Variants in HIBCH observed in about 807,000 individuals in gnomAD.
HIBCH encodes the protein 3-hydroxyisobutyryl-CoA hydrolase.
In HIBCH, 50 loss-of-function variants were observed where a neutral mutation model predicts 58.2. The observed-to-expected ratio is 0.86, with a 90% CI of 0.68 to 1.09. The LOEUF (loss-of-function observed/expected upper bound fraction) is 1.09, where lower values mean the gene tolerates loss of function less well. HIBCH is among the 50% of genes least tolerant of loss of function. The pLI is 0.00. For synonymous variants in HIBCH, 151 were observed against 146.9 expected, an observed-to-expected ratio of 1.03 and a Z score of -0.20; for missense variants, 450 against 449.7, an observed-to-expected ratio of 1.00 and a Z score of -0.01.
At chr2:190,201,033 G>C (rs908541886), downstream of HIBCH, 4 of 163,332 alleles carry the variant, frequency 2.4e-5, no homozygotes, top group African/African-American at 1.0e-4. Flanking sequence ...TGACTAGTAA[G>C]GCGGTCACCA....
Position 190,215,763 on chromosome 2 carries a change from A to G in HIBCH, c.892-2688T>C, listed in dbSNP as rs1368529102. On this transcript the variant is annotated intron_variant, in intron 11 of 13. Transcript: ENST00000359678. The surrounding 1 kb of genome is among the most constrained non-coding windows in gnomAD (Gnocchi z 4.4). ...ACGTAGAGGGCCAGAGAAAGAGTTA[A>G]GCTGCTGACCCTGAAGGCAAGGGAA... 1.3e-5 allele frequency: 2 copies of G among 152,428 alleles called. No individual in the cohort carries two copies. Among genetic ancestry groups the G allele is most frequent in the African/African-American group, 2.4e-5 (1 of 41,476 alleles). The allele number at this position is 152,428 out of a possible 1,614,324, so 9.4% of individuals were successfully genotyped here.
intron 6 of HIBCH, among the ~76,000 whole-genome samples, chr2:190,282,016 A>C (rs1687717287): frequency 1.3e-5 from 2 of 152,174 alleles, no homozygotes. Flanking sequence ...CCACTTAAAT[A>C]ATCTCTAAGA....
intron 1 of HIBCH, among the ~76,000 whole-genome samples, chr2:190,314,893 T>C (rs1688674393): frequency 6.6e-6 from 1 of 152,138 alleles, no homozygotes; most frequent in African/African-American, 2.4e-5. Flanking sequence ...TGATCTTTCT[T>C]TTCTATTGGT....
chr2:190,209,010 T>C lies in HIBCH; in HGVS notation c.1012-97A>G, dbSNP rs539966681. 9.6e-7 allele frequency: 1 copy of C among 1,043,212 alleles called. No homozygotes were observed. The highest frequency in any genetic ancestry group is 1.5e-6 in the Non-Finnish European group (1 of 685,502). The allele number at this position is 1,043,212 out of a possible 1,614,324, so 64.6% of individuals were successfully genotyped here. On this transcript the variant is annotated intron_variant, in intron 12 of 13. Transcript: ENST00000359678. The surrounding 1 kb of genome is among the most constrained non-coding windows in gnomAD (Gnocchi z 5.6). ...TATTCACTTCAGCCTTCCACTCCCA[T>C]GGCCACAACCTGAACCATGACATTC...
In HIBCH at chr2:190,254,135, A is replaced by G. The variant is rs1424876210; in HGVS notation, c.518-1828T>C. ...CTGATTACTCCCTGCTATGGACTGC[A>G]TTGTGTCCTTCCAAAAAGTCCTATG... On this transcript the variant is annotated intron_variant, in intron 7 of 13. Transcript: ENST00000359678. This position sits in a 1 kb window ranked among gnomAD's most constrained non-coding sequence, Gnocchi z 5.0. Among the ~76,000 whole-genome samples the G allele has an allele frequency of 1.3e-5, 2 of 152,140 alleles. No individual in the cohort carries two copies. Among genetic ancestry groups the G allele is most frequent in the Admixed American group, 1.3e-4 (2 of 15,264 alleles).
intron 8 of HIBCH, chr2:190,250,255 C>T (rs1388014158): frequency 2.7e-6 from 1 of 367,710 alleles, no homozygotes; most frequent in Non-Finnish European, 5.5e-6. Flanking sequence ...CCTGATAATA[C>T]TCACCTTAAG....
chr2:190,203,466 A>G (rs1260290027), downstream of HIBCH: 3 of 166,022 alleles, frequency 1.8e-5, no homozygotes, highest in African/African-American at 4.8e-5. Flanking sequence ...CTGCACAATA[A>G]AAGTCCAGTT....
intron 6 of HIBCH, among the ~76,000 whole-genome samples, chr2:190,282,901 T>C (rs1461653749): frequency 2.0e-5 from 3 of 147,738 alleles, no homozygotes; most frequent in African/African-American, 7.4e-5. Context: ...TCTAATACAG[T>C]TGGAAAGATG....
Position 190,252,156 on chromosome 2 carries a change from A to G in HIBCH, c.663+6T>C, listed in dbSNP as rs777041672. The stretch of plus-strand genomic sequence containing the variant: ...CAATACAAAATGCAAACATCTGAAA[A>G]AGTACCTTTTCAGAATCTACAAAGT... On this transcript the variant is annotated splice_donor_region_variant and intron_variant, in intron 8 of 13. Transcript: ENST00000359678. 5 of 1,613,462 alleles carry G rather than the reference A, an allele frequency of 3.1e-6. No individual in the cohort carries two copies. The highest frequency in any genetic ancestry group is 2.7e-5 in the African/African-American group (2 of 74,912).
chr2:190,292,218 G>A (rs1421105875), intron 4 of HIBCH, among the ~76,000 whole-genome samples: 5 of 152,298 alleles, frequency 3.3e-5, no homozygotes, highest in Middle Eastern at 6.8e-3. Flanking sequence ...CCAACCTCAG[G>A]TGATCTGCCG....
chr2:190,268,296 G>A (rs181998067), intron 6 of HIBCH, among the ~76,000 whole-genome samples: 2 of 152,178 alleles, frequency 1.3e-5, no homozygotes, highest in East Asian at 1.9e-4. Context: ...ATGGTGTCCC[G>A]AGCACTCTGA....
At chr2:190,234,711 A>G (rs148720694) in intron 11 of HIBCH, among the ~76,000 whole-genome samples, 404 of 152,084 alleles carry the variant, frequency 2.7e-3, no homozygotes, top group African/African-American at 9.1e-3. Context: ...ATTAGCAGGT[A>G]TGGTGGCGGG....
At chr2:190,222,303 G>A (rs1395098246) in intron 11 of HIBCH, among the ~76,000 whole-genome samples, 1 of 152,070 alleles carries the variant, frequency 6.6e-6, no homozygotes, top group Non-Finnish European at 1.5e-5. Context: ...CGGCCGGCTA[G>A]TCCTAGCACC....
In HIBCH at chr2:190,207,108, T is replaced by TA. The variant is rs1226159339; in HGVS notation, c.1045+1771_1045+1772insT. Among the ~76,000 whole-genome samples the TA allele has an allele frequency of 7.9e-5, 12 of 151,918 alleles. No individual in the cohort carries two copies. The highest frequency in any genetic ancestry group is 4.1e-4 in the South Asian group (2 of 4,822). On this transcript the variant is annotated intron_variant, in intron 13 of 13. Transcript: ENST00000359678. The surrounding 1 kb of genome is among the most constrained non-coding windows in gnomAD (Gnocchi z 4.5). ...CTGCTCTCCAGCCTGGGTGACAGAG[T>TA]GAGACTCCATCTCAAAAAACAAAAC... is the stretch of plus-strand genomic sequence containing the variant.
chr2:190,232,024 A>T lies in HIBCH; in HGVS notation c.891+12863T>A, dbSNP rs542488112. Reference sequence around the variant, plus strand: ...CAGCCTGACCAACATGGTGAAACCCAGTCTACTAAAAACTACAAAAATTAG... The same window carrying T: ...CAGCCTGACCAACATGGTGAAACCCTGTCTACTAAAAACTACAAAAATTAG... On this transcript the variant is annotated intron_variant, in intron 11 of 13. Coordinates refer to ENST00000359678, the MANE Select transcript of HIBCH (RefSeq NM_014362.4). Among the ~76,000 whole-genome samples the T allele has an allele frequency of 2.4e-4, 36 of 152,166 alleles. No individual in the cohort carries two copies. The South Asian group carries it at 7.5e-3, about 32-fold the overall frequency.
downstream of HIBCH, chr2:190,202,040 A>C (rs948994644): frequency 6.0e-6 from 1 of 167,026 alleles, no homozygotes; most frequent in Non-Finnish European, 1.5e-5. Context: ...ATGCCCCACT[A>C]AACTTTTCAG....
intron 1 of HIBCH, chr2:190,190,045 A>G (rs1689640603): frequency 6.6e-6 from 1 of 152,246 alleles, no homozygotes; most frequent in South Asian, 2.1e-4. Flanking sequence ...GTGCCCCAGA[A>G]TGTTCTCAAA....
At chr2:190,268,091 T>C (rs879669069) in intron 6 of HIBCH, among the ~76,000 whole-genome samples, 6 of 152,090 alleles carry the variant, frequency 3.9e-5, no homozygotes, top group Admixed American at 2.0e-4. Context: ...AGACCACAAC[T>C]AAAGGCACAA....
At position 190,243,907 on chromosome 2, in the gene HIBCH, C is replaced by A. The variant is rs1686525320; in HGVS notation, c.891+980G>T. Reference sequence around the variant, plus strand: ...ATTGCTTGAGCCTGGGAGGCTGAGGCTGCAGTGAGTTGTGATTGCACCACT... The same window carrying A: ...ATTGCTTGAGCCTGGGAGGCTGAGGATGCAGTGAGTTGTGATTGCACCACT... On this transcript the variant is annotated intron_variant, in intron 11 of 13. Transcript: ENST00000359678. The surrounding 1 kb of genome is among the most constrained non-coding windows in gnomAD (Gnocchi z 4.1). Among the ~76,000 whole-genome samples, 1 of 152,120 alleles carries A rather than the reference C, an allele frequency of 6.6e-6. No individual in the cohort carries two copies. The highest frequency in any genetic ancestry group is 1.5e-5 in the Non-Finnish European group (1 of 68,026).
Sources: gnomAD v4.1 joint callset for allele counts (sites outside exome capture counted in the v4.1 genomes callset) on GRCh38, gnomAD v4.1.1 for gene constraint, Gnocchi (gnomAD v3.1) non-coding constraint, MANE v1.5 for transcripts, NCBI Gene and HGNC (gene_info 2026-07-23, HGNC 2026-07-21) for gene names.